PHC2: variants seen among roughly 807,000 people sequenced by gnomAD.
PHC2 encodes the protein polyhomeotic-like protein 2.
Under a neutral mutation model 87.4 loss-of-function variants are expected in PHC2, and 29 were observed. The ratio of observed to expected loss-of-function variants is 0.33; its 90% CI spans 0.25 to 0.45. The LOEUF is 0.45. Ranked by LOEUF, PHC2 falls within the 20% of genes least tolerant of loss-of-function variation. The pLI is 1.00. For synonymous variants in PHC2, 438 were observed against 461.7 expected, an observed-to-expected ratio of 0.95 and a Z score of 0.66; for missense variants, 857 against 1,136.7, an observed-to-expected ratio of 0.75 and a Z score of 3.54.
In PHC2 at chr1:33,349,986, C is replaced by CG; in HGVS notation, c.1558+4414dup. 1 of 253,306 alleles carries CG rather than the reference C, an allele frequency of 3.9e-6. No individual in the cohort carries two copies. 15.7% of individuals were successfully genotyped at this position (253,306 alleles called of 1,614,324 possible). A position where few individuals can be genotyped will look rare whatever the true frequency, so the allele number is the denominator to read the frequency against. On this transcript the variant is annotated intron_variant, in intron 9 of 14. Transcript: ENST00000683057. The surrounding 1 kb of genome is among the most constrained non-coding windows in gnomAD (Gnocchi z 4.2). ...GGGAGGGGCGGGGCCGCGGGAGGGG[C>CG]GGGGCGGACACGGGCCGCGCGCTTC...
intron 1 of PHC2, among the ~76,000 whole-genome samples, chr1:33,395,230 G>C (rs1024944948): frequency 7.2e-5 from 11 of 152,062 alleles, no homozygotes; most frequent in African/African-American, 2.7e-4. Flanking sequence ...TTTATATGGA[G>C]TTCTTAGAAT....
intron 1 of PHC2, among the ~76,000 whole-genome samples, chr1:33,394,410 A>G (rs906032918): frequency 2.2e-4 from 33 of 152,338 alleles, no homozygotes; most frequent in African/African-American, 7.5e-4. Context: ...TCTTTAAACT[A>G]AAGTTAAATG....
chr1:33,336,152 C>A (rs547094871), intron 9 of PHC2, among the ~76,000 whole-genome samples: 63 of 152,030 alleles, frequency 4.1e-4, no homozygotes, highest in African/African-American at 1.5e-3. Context: ...CCATACCCGG[C>A]TAATTTTTGT....
At chr1:33,410,050 T>C (rs1649920326) in intron 1 of PHC2, among the ~76,000 whole-genome samples, 1 of 152,206 alleles carries the variant, frequency 6.6e-6, no homozygotes, top group African/African-American at 2.4e-5. Flanking sequence ...TAAGGCTTAA[T>C]TGCCTCTGCT....
intron 1 of PHC2, among the ~76,000 whole-genome samples, chr1:33,412,615 G>GA (rs1166837901): frequency 2.6e-5 from 4 of 152,040 alleles, no homozygotes; most frequent in African/African-American, 9.7e-5. Flanking sequence ...ATTTCACACT[G>GA]AAAAAACCCC....
At chr1:33,327,097 G>C (rs34874995) in intron 14 of PHC2, among the ~76,000 whole-genome samples, 26,247 of 152,188 alleles carry the variant, frequency 0.17, 2,798 homozygotes, top group South Asian at 0.27. Flanking sequence ...TCACTCCCAG[G>C]CTTTGAGTCC....
chr1:33,417,911 G>A (rs1213853967), intron 1 of PHC2, among the ~76,000 whole-genome samples: 1 of 152,030 alleles, frequency 6.6e-6, no homozygotes, highest in Non-Finnish European at 1.5e-5. Context: ...ATACTCGAAA[G>A]CAATAACAGA....
intron 14 of PHC2, 71 bp downstream of exon 14, chr1:33,328,799 G>A: frequency 7.0e-7 from 1 of 1,438,326 alleles, no homozygotes; most frequent in Non-Finnish European, 9.5e-7. Context: ...AATCCTCCTG[G>A]TGGTGGGAGG....
At chr1:33,385,762 G>C (rs964117334) in intron 1 of PHC2, among the ~76,000 whole-genome samples, 3 of 151,984 alleles carry the variant, frequency 2.0e-5, no homozygotes, top group African/African-American at 7.3e-5. Context: ...GTGTTCTCAG[G>C]TCTAGTAACT....
In PHC2 at chr1:33,375,557, A is replaced by G; in HGVS notation, c.-18T>C. 4 of 1,488,370 alleles carry G rather than the reference A, an allele frequency of 2.7e-6. No individual in the cohort carries two copies. The highest frequency in any genetic ancestry group is 3.6e-6 in the Non-Finnish European group (4 of 1,109,156). The allele number at this position is 1,488,370 out of a possible 1,614,324, so 92.2% of individuals were successfully genotyped here. The stretch of plus-strand genomic sequence containing the variant: ...TTCTCCATGGCCTGCAGTGTGGCGC[A>G]GTCAGGGCGCTCGGATGGCAGAAGG... On this transcript the variant is annotated 5_prime_UTR_variant, in exon 2 of 15. Transcript: ENST00000683057.
At chr1:33,396,243 T>C (rs1344810933) in intron 1 of PHC2, among the ~76,000 whole-genome samples, 1 of 151,938 alleles carries the variant, frequency 6.6e-6, no homozygotes, top group Non-Finnish European at 1.5e-5. Flanking sequence ...TTCCCCATGG[T>C]GGGCCACAAA....
At chr1:33,401,463 C>T (rs1423537912) in intron 1 of PHC2, among the ~76,000 whole-genome samples, 1 of 152,202 alleles carries the variant, frequency 6.6e-6, no homozygotes, top group Non-Finnish European at 1.5e-5. Flanking sequence ...GAAAGTTTGG[C>T]ATTAGCACTA....
chr1:33,389,531 C>T (rs916909846), intron 1 of PHC2, among the ~76,000 whole-genome samples: 1 of 152,154 alleles, frequency 6.6e-6, no homozygotes, highest in African/African-American at 2.4e-5. Flanking sequence ...GACATTTCCT[C>T]CTGCTTGCTT....
rs760833594 is a variant in PHC2, at chr1:33,331,303, A to T, written c.2006+45T>A. 1 of 1,054,746 alleles carries T rather than the reference A, an allele frequency of 9.5e-7. No homozygotes were observed. The allele number at this position is 1,054,746 out of a possible 1,614,324, so 65.3% of individuals were successfully genotyped here. A position where few individuals can be genotyped will look rare whatever the true frequency, so the allele number is the denominator to read the frequency against. On this transcript the variant is annotated intron_variant, in intron 12 of 14. Transcript: ENST00000683057. This position sits in a 1 kb window ranked among gnomAD's most constrained non-coding sequence, Gnocchi z 5.2. ...GACTATTAATGGCAGGAGGTGGGAC[A>T]TAAAGTGCAGTCCTGGGGAAATGGA...
intron 1 of PHC2, among the ~76,000 whole-genome samples, chr1:33,426,082 A>G (rs1375660638): frequency 2.0e-5 from 3 of 152,246 alleles, no homozygotes; most frequent in Non-Finnish European, 1.5e-5. Flanking sequence ...GAGCAAGAGG[A>G]TGAGTAAAAA....
chr1:33,345,988 T>C, intron 9 of PHC2: 6 of 985,148 alleles, frequency 6.1e-6, no homozygotes, highest in Non-Finnish European at 7.2e-6. Context: ...ACAGAAAACA[T>C]ATTCAAAAAG....
intron 10 of PHC2, chr1:33,333,800 T>G: frequency 2.8e-6 from 1 of 362,090 alleles, no homozygotes. Flanking sequence ...CACAGTGAAC[T>G]CCCTTTTAAC....
At position 33,368,910 on chromosome 1, in the gene PHC2, CA is replaced by C. The variant is rs1557836721; in HGVS notation, c.577-289del. Among the ~76,000 whole-genome samples, 1 of 152,108 alleles carries C rather than the reference CA, an allele frequency of 6.6e-6. No individual in the cohort carries two copies. The highest frequency in any genetic ancestry group is 1.5e-5 in the Non-Finnish European group (1 of 67,996). On this transcript the variant is annotated intron_variant, in intron 5 of 14. Coordinates refer to ENST00000683057, the MANE Select transcript of PHC2 (RefSeq NM_001385109.1). This position sits in a 1 kb window ranked among gnomAD's most constrained non-coding sequence, Gnocchi z 6.6. ...GGGGAGAGCCGCTCTGGGGCTACAC[CA>C]AAGCCGAGTTCCCTTCAGAACCCTC...
At chr1:33,353,687 C>T (rs1647015735) in intron 9 of PHC2, among the ~76,000 whole-genome samples, 1 of 152,192 alleles carries the variant, frequency 6.6e-6, no homozygotes, top group African/African-American at 2.4e-5. Flanking sequence ...AACTGCCTCC[C>T]TGAGTTGCAG....
Sources: gnomAD v4.1 joint callset for allele counts (sites outside exome capture counted in the v4.1 genomes callset) on GRCh38, gnomAD v4.1.1 for gene constraint, Gnocchi (gnomAD v3.1) non-coding constraint, MANE v1.5 for transcripts, NCBI Gene and HGNC (gene_info 2026-07-23, HGNC 2026-07-21) for gene names.